Variants in RGS6 observed in about 807,000 individuals in gnomAD.
RGS6 encodes the protein regulator of G-protein signaling 6.
A neutral mutation model predicts 78.5 loss-of-function variants in RGS6; 30 were observed. That is an observed-to-expected ratio of 0.38 (90% confidence interval 0.29 to 0.52). RGS6 has a LOEUF of 0.52. Ranked by LOEUF, RGS6 falls within the 20% of genes least tolerant of loss-of-function variation. The probability of loss-of-function intolerance (pLI) is 0.85; values close to 1 mark genes in which losing one functional copy is unlikely to be tolerated. For synonymous variants in RGS6, 206 were observed against 206.0 expected, an observed-to-expected ratio of 1.00 and a Z score of 0.00; for missense variants, 495 against 609.7, an observed-to-expected ratio of 0.81 and a Z score of 1.98.
intron 1 of RGS6, among the ~76,000 whole-genome samples, chr14:71,949,561 T>A (rs1285492860): frequency 6.6e-6 from 1 of 152,174 alleles, no homozygotes; most frequent in South Asian, 2.1e-4. Flanking sequence ...AACAAATTTT[T>A]AATACAAATA....
At chr14:72,338,625 A>G (rs1042176973) in intron 2 of RGS6, among the ~76,000 whole-genome samples, 9 of 152,230 alleles carry the variant, frequency 5.9e-5, no homozygotes, top group African/African-American at 1.9e-4. Context: ...GAGTTAAATG[A>G]TCATATTTTG....
chr14:72,127,723 G>A (rs1486838660), intron 2 of RGS6, among the ~76,000 whole-genome samples: 2 of 152,068 alleles, frequency 1.3e-5, no homozygotes, highest in Admixed American at 6.6e-5. Context: ...ATCTTGTAAA[G>A]CTATAGTACA....
rs376584514 is a variant in RGS6, at chr14:72,227,623, G to A, written c.85-124472G>A. Among the ~76,000 whole-genome samples, 7 of 152,206 alleles carry A rather than the reference G, an allele frequency of 4.6e-5. No individual in the cohort carries two copies. In the East Asian group the frequency reaches 1.3e-3, roughly 29 times the overall value. The stretch of plus-strand genomic sequence containing the variant: ...AGTTGTAATTTGGCCTTCAAATACA[G>A]TATTTTTAAAGAAGGGAGCATTTTA... On this transcript the variant is annotated intron_variant, in intron 2 of 17. Coordinates refer to ENST00000553525, the MANE Select transcript of RGS6 (RefSeq NM_001204424.2).
intron 2 of RGS6, among the ~76,000 whole-genome samples, chr14:72,299,268 CT>C (rs2065552743): frequency 6.6e-6 from 1 of 152,158 alleles, no homozygotes; most frequent in Non-Finnish European, 1.5e-5. Flanking sequence ...CATACCAGTC[CT>C]TCCCACCCTA....
chr14:71,997,704 G>T (rs753637677), intron 2 of RGS6, among the ~76,000 whole-genome samples: 2 of 152,164 alleles, frequency 1.3e-5, no homozygotes, highest in East Asian at 1.9e-4. Flanking sequence ...TGAGTCAGAG[G>T]CCTGGGGGTC....
At chr14:72,418,036 T>A (rs544584890) in intron 3 of RGS6, among the ~76,000 whole-genome samples, 1 of 152,226 alleles carries the variant, frequency 6.6e-6, no homozygotes, top group East Asian at 1.9e-4. Flanking sequence ...TCTCCCACCT[T>A]TCCTCCATCT....
chr14:72,624,401 C>T, the RGS6 span, among the ~76,000 whole-genome samples: 7 of 141,038 alleles, frequency 5.0e-5, no homozygotes, highest in East Asian at 8.0e-4. Context: ...TGCAGTGGTG[C>T]CATCTCGGCT....
chr14:72,368,258 C>T (rs575387007), intron 3 of RGS6, among the ~76,000 whole-genome samples: 2 of 152,116 alleles, frequency 1.3e-5, no homozygotes, highest in Non-Finnish European at 2.9e-5. Flanking sequence ...GAACCCACTC[C>T]TTGGATAGCT....
intron 1 of RGS6, among the ~76,000 whole-genome samples, chr14:71,948,510 T>C (rs1566889419): frequency 6.6e-6 from 1 of 152,222 alleles, no homozygotes; most frequent in African/African-American, 2.4e-5. Flanking sequence ...ATTTGCACTA[T>C]TCTTTTTCAA....
At chr14:72,619,347 A>G in the RGS6 span, 1 of 1,536,168 alleles carries the variant, frequency 6.5e-7, no homozygotes, top group Non-Finnish European at 8.7e-7. Flanking sequence ...AGTTCCCAGC[A>G]TAAGTGGCAG....
At chr14:72,051,846 C>G (rs1322876573) in intron 2 of RGS6, among the ~76,000 whole-genome samples, 3 of 152,170 alleles carry the variant, frequency 2.0e-5, no homozygotes, top group Non-Finnish European at 4.4e-5. Flanking sequence ...CATAGTAAAA[C>G]AGAGCGACCT....
chr14:72,538,355 C>A (rs532879318), intron 16 of RGS6, among the ~76,000 whole-genome samples: 3 of 152,356 alleles, frequency 2.0e-5, no homozygotes, highest in Non-Finnish European at 4.4e-5. Context: ...TCTGATCCTT[C>A]ATCCCTAATT....
intron 2 of RGS6, among the ~76,000 whole-genome samples, chr14:72,313,349 C>A (rs1319974467): frequency 6.6e-6 from 1 of 152,234 alleles, no homozygotes; most frequent in Non-Finnish European, 1.5e-5. Context: ...TCTTGTGCAA[C>A]TGCATAGGTC....
chr14:72,274,733 G>A (rs951080233), intron 2 of RGS6, among the ~76,000 whole-genome samples: 6 of 152,178 alleles, frequency 3.9e-5, no homozygotes. Flanking sequence ...GAACCAAACA[G>A]TGTAGACAGC....
intron 1 of RGS6, among the ~76,000 whole-genome samples, chr14:71,947,630 G>A (rs772206816): frequency 7.9e-5 from 12 of 152,126 alleles, no homozygotes; most frequent in South Asian, 2.1e-4. Context: ...GACTACAGGC[G>A]TGTGCCACCA....
At chr14:72,248,456 T>A (rs1435707604) in intron 2 of RGS6, among the ~76,000 whole-genome samples, 1 of 152,246 alleles carries the variant, frequency 6.6e-6, no homozygotes, top group Non-Finnish European at 1.5e-5. Context: ...AACACATATT[T>A]TTTAATTTTT....
intron 2 of RGS6, among the ~76,000 whole-genome samples, chr14:72,079,518 C>G (rs1417177487): frequency 6.6e-6 from 1 of 152,174 alleles, no homozygotes; most frequent in Non-Finnish European, 1.5e-5. Context: ...CCTCACCTCA[C>G]AGACTTATCA....
intron 2 of RGS6, among the ~76,000 whole-genome samples, chr14:71,993,975 T>C (rs1029431505): frequency 6.6e-6 from 1 of 151,610 alleles, no homozygotes; most frequent in South Asian, 2.1e-4. Context: ...ACCATTTTTA[T>C]TGGCCACCAA....
At chr14:71,932,252 C>T (rs996592200), upstream of RGS6, among the ~76,000 whole-genome samples, 1 of 151,838 alleles carries the variant, frequency 6.6e-6, no homozygotes, top group Non-Finnish European at 1.5e-5. Context: ...TGCGGCGGCG[C>T]CCGCGGGACG....
Sources: gnomAD v4.1 joint callset for allele counts (sites outside exome capture counted in the v4.1 genomes callset) on GRCh38, gnomAD v4.1.1 for gene constraint, MANE v1.5 for transcripts, NCBI Gene and HGNC (gene_info 2026-07-23, HGNC 2026-07-21) for gene names.